The following PCIF1 variants were observed in gnomAD, a reference collection of about 807,000 sequenced individuals.
The protein encoded by PCIF1 is mRNA (2'-O-methyladenosine-N(6)-)-methyltransferase.
PCIF1 carries 12 observed loss-of-function variants against 86.9 expected under a neutral mutation model. That is an observed-to-expected ratio of 0.14 (90% confidence interval 0.09 to 0.22). The LOEUF is 0.22. Among genes scored for constraint, PCIF1 ranks in the 10% least tolerant of loss-of-function variants. PCIF1 has a pLI of 1.00. For missense variants in PCIF1, 701 were observed against 951.1 expected (o/e 0.74, Z 3.46); for synonymous variants, 397 against 372.0 (o/e 1.07, Z -0.77).
intron 4 of PCIF1, among the ~76,000 whole-genome samples, chr20:45,939,777 G>A (rs1159055128): frequency 6.6e-6 from 1 of 152,194 alleles, no homozygotes; most frequent in Non-Finnish European, 1.5e-5. Flanking sequence ...AGTGTGGGGA[G>A]GAAAAGAACA....
chr20:45,936,103 G>T (rs539628114), intron 1 of PCIF1, among the ~76,000 whole-genome samples: 20 of 152,160 alleles, frequency 1.3e-4, no homozygotes, highest in East Asian at 1.9e-4. Context: ...TTGGGATTGT[G>T]CCCCCACAGA....
At chr20:45,941,462 TA>T (rs1023563087) in intron 7 of PCIF1, among the ~76,000 whole-genome samples, 6 of 152,234 alleles carry the variant, frequency 3.9e-5, no homozygotes, top group Non-Finnish European at 2.9e-5. Context: ...TTTATTTATT[TA>T]TTTTTTTTGA....
In PCIF1 at chr20:45,934,779, CGTCCCCTCCA is replaced by C. The variant is rs2083401196; in HGVS notation, c.-208_-199del. The C allele has an allele frequency of 2.5e-6, 1 of 398,300 alleles. No individual in the cohort carries two copies. The highest frequency in any genetic ancestry group is 4.4e-5 in the Admixed American group (1 of 22,694). The allele number at this position is 398,300 out of a possible 1,614,324, so 24.7% of individuals were successfully genotyped here. ...GGCGGTCGAGCAGAACGTGTAGCCG[CGTCCCCTCCA>C]GTCCGCTCCGGGCAGGTAAGAGTCC... On this transcript the variant is annotated 5_prime_UTR_variant, in exon 1 of 17. It removes the in-frame stop codon of an upstream open reading frame in the 5' UTR. Transcript: ENST00000372409.
At chr20:45,945,100 G>C (rs1314001335) in intron 11 of PCIF1, 70 bp downstream of exon 11, 1 of 1,484,202 alleles carries the variant, frequency 6.7e-7, no homozygotes, top group African/African-American at 1.4e-5. Context: ...AGGGACAAGT[G>C]AGACTGAGCC....
intron 11 of PCIF1, 48 bp from the exon 12 acceptor site, chr20:45,945,663 A>G (rs756988647): frequency 1.9e-6 from 3 of 1,589,978 alleles, no homozygotes; most frequent in Non-Finnish European, 2.6e-6. Flanking sequence ...CAGTGGCTGC[A>G]GCGTGAGAAT....
At position 45,943,763 on chromosome 20, in the gene PCIF1, A is replaced by G. The variant is rs994412496; in HGVS notation, c.1003A>G (p.Met335Val). Residue 335 changes from methionine to valine, a missense_variant and splice_region_variant, in exon 10 of 17, where the codon ATG becomes GTG. Met to Val is a conservative substitution (Grantham distance 21). Transcript: ENST00000372409. This position sits in a 1 kb window ranked among gnomAD's most constrained non-coding sequence, Gnocchi z 5.5. ...CCACTCAGCCTCCAAGGAGGACTAC[A>G]TGGTGAGTGGGTCCCCGGGTGAGAA... is the stretch of plus-strand genomic sequence containing the variant. ...KDHSASKEDY[M>V]DRLEHLRRQC... The G allele has an allele frequency of 7.1e-6, 11 of 1,553,720 alleles. No homozygotes were observed. Among genetic ancestry groups the G allele is most frequent in the East Asian group, 4.8e-5 (2 of 41,476 alleles).
rs73128517 is a variant in PCIF1, at chr20:45,940,258, A to G, written c.250-217A>G. ...TGGTGATGTAGGGATTAGCATGGCC[A>G]TTCTGAAGGTGAGAGAACTGGAAGG... is the stretch of plus-strand genomic sequence containing the variant. On this transcript the variant is annotated intron_variant, in intron 4 of 16. Coordinates refer to ENST00000372409, the MANE Select transcript of PCIF1 (RefSeq NM_022104.4). Among the ~76,000 whole-genome samples the G allele has an allele frequency of 3.3e-3, 501 of 152,334 alleles. 1 individual carries two copies. Among genetic ancestry groups the G allele is most frequent in the Non-Finnish European group, 6.0e-3 (409 of 68,038 alleles).
At chr20:45,935,105 C>CG (rs2083408205) in intron 1 of PCIF1, among the ~76,000 whole-genome samples, 1 of 149,844 alleles carries the variant, frequency 6.7e-6, no homozygotes, top group Non-Finnish European at 1.5e-5. Flanking sequence ...GAGCGCGCGG[C>CG]GGGGCGGGGG....
chr20:45,935,263 C>T (rs1004054418), intron 1 of PCIF1, among the ~76,000 whole-genome samples: 2 of 152,012 alleles, frequency 1.3e-5, no homozygotes, highest in Admixed American at 6.5e-5. Flanking sequence ...ACTTTGTTCG[C>T]CCTTTGACTC....
chr20:45,937,834 G>A (rs2083439464), intron 2 of PCIF1: 5 of 354,684 alleles, frequency 1.4e-5, no homozygotes, highest in Admixed American at 4.7e-5. Context: ...TAAGGAAGAC[G>A]TCTATGATGG....
At position 45,945,834 on chromosome 20, in the gene PCIF1, G is replaced by A. The variant is rs746332694; in HGVS notation, c.1292G>A (p.Arg431Gln). 5.6e-6 allele frequency: 9 copies of A among 1,613,804 alleles called. No homozygotes were observed. Among genetic ancestry groups the A allele is most frequent in the East Asian group, 2.2e-5 (1 of 44,884 alleles). The change falls in exon 12 of 17, where the codon CGG becomes CAG. Residue 431 changes from arginine (R) to glutamine (Q), a missense_variant. Physicochemically the swap from Arg to Gln is conservative, Grantham distance 43. Transcript: ENST00000372409. ...ATGGAGAACAACGTGGTCTGCATCCGGTATAAGGGAGAGATGGTCAAGGTC... is the reference window on the plus strand; with the variant it reads ...ATGGAGAACAACGTGGTCTGCATCCAGTATAAGGGAGAGATGGTCAAGGTC... Reference protein sequence around the residue: ...MHMENNVVCIRYKGEMVKVSR... With the variant: ...MHMENNVVCIQYKGEMVKVSR...
chr20:45,939,464 G>GC, intron 4 of PCIF1, 125 bp downstream of exon 4: 1 of 1,390,260 alleles, frequency 7.2e-7, no homozygotes, highest in Non-Finnish European at 9.8e-7. Flanking sequence ...ACAATGACAA[G>GC]CAAGACAGAC....
intron 2 of PCIF1, among the ~76,000 whole-genome samples, chr20:45,938,314 G>A (rs1039820110): frequency 2.6e-5 from 4 of 152,176 alleles, no homozygotes; most frequent in African/African-American, 9.7e-5. Context: ...TGTAAAATAA[G>A]GTGACCAATT....
At position 45,947,366 on chromosome 20, in the gene PCIF1, T is replaced by A; in HGVS notation, c.1811T>A (p.Phe604Tyr). Reference sequence around the variant, plus strand: ...CTCACCCGCATGGAGCAGAGCCGCTTCAAACGCCACCAGTTGATCCTGCCT... The same window carrying A: ...CTCACCCGCATGGAGCAGAGCCGCTACAAACGCCACCAGTTGATCCTGCCT... ...PALTRMEQSRFKRHQLILPAF... is the reference protein window; with the variant it reads ...PALTRMEQSRYKRHQLILPAF... The change falls in exon 16 of 17, where the codon TTC becomes TAC. Residue 604 changes from phenylalanine (F) to tyrosine (Y), a missense_variant. Physicochemically the swap from Phe to Tyr is conservative, Grantham distance 22 (BLOSUM62 3). This residue lies in a region of PCIF1 where 174 missense variants were observed against 206.9 expected (regional missense o/e 0.84). Coordinates refer to ENST00000372409, the MANE Select transcript of PCIF1 (RefSeq NM_022104.4). This position sits in a 1 kb window ranked among gnomAD's most constrained non-coding sequence, Gnocchi z 5.4. 6.2e-7 allele frequency: 1 copy of A among 1,613,974 alleles called. No homozygotes were observed. The highest frequency in any genetic ancestry group is 8.5e-7 in the Non-Finnish European group (1 of 1,180,018).
chr20:45,935,510 A>G lies in PCIF1; in HGVS notation c.-188+706A>G, dbSNP rs1203369727. Among the ~76,000 whole-genome samples the G allele has an allele frequency of 2.6e-5, 4 of 152,194 alleles. No individual in the cohort carries two copies. The South Asian group carries it at 6.2e-4, about 24-fold the overall frequency. On this transcript the variant is annotated intron_variant, in intron 1 of 16. Coordinates refer to ENST00000372409, the MANE Select transcript of PCIF1 (RefSeq NM_022104.4). Reference sequence around the variant, plus strand: ...AGTTATGTCTTACTGGGAGCGTACAATGCTGGACTCTACATATAACGGTCG... The same window carrying G: ...AGTTATGTCTTACTGGGAGCGTACAGTGCTGGACTCTACATATAACGGTCG...
Position 45,943,626 on chromosome 20 carries a change from C to G in PCIF1, c.906-40C>G, listed in dbSNP as rs1351155375. On this transcript the variant is annotated intron_variant, in intron 9 of 16. Transcript: ENST00000372409. The surrounding 1 kb of genome is among the most constrained non-coding windows in gnomAD (Gnocchi z 5.5). ...TGGAATTGGGATGAGGAGGGTGGAGCCAAGCCATTCCTTTCTTCTGCCCTC... is the reference window on the plus strand; with the variant it reads ...TGGAATTGGGATGAGGAGGGTGGAGGCAAGCCATTCCTTTCTTCTGCCCTC... 2 of 1,531,134 alleles carry G rather than the reference C, an allele frequency of 1.3e-6. No homozygotes were observed. Among genetic ancestry groups the G allele is most frequent in the Non-Finnish European group, 8.9e-7 (1 of 1,128,712 alleles). The allele number at this position is 1,531,134 out of a possible 1,614,324, so 94.8% of individuals were successfully genotyped here.
chr20:45,935,920 C>T (rs1366304184), intron 1 of PCIF1, among the ~76,000 whole-genome samples: 1 of 151,996 alleles, frequency 6.6e-6, no homozygotes, highest in East Asian at 1.9e-4. Flanking sequence ...TAAGCTGTGC[C>T]GCTTGTGCGT....
chr20:45,943,450 G>A lies in PCIF1; in HGVS notation c.905+27G>A, dbSNP rs1249532207. On this transcript the variant is annotated intron_variant, in intron 9 of 16. Coordinates refer to ENST00000372409, the MANE Select transcript of PCIF1 (RefSeq NM_022104.4). This position sits in a 1 kb window ranked among gnomAD's most constrained non-coding sequence, Gnocchi z 5.5. ...TTTGCCTGTCTTCTGCCCCAGGCGA[G>A]ATGGGTCTGTGATTAAAGTGGCAGG... 4 of 1,601,950 alleles carry A rather than the reference G, an allele frequency of 2.5e-6. No individual in the cohort carries two copies. In the African/African-American group the frequency reaches 5.4e-5, roughly 21 times the overall value.
At chr20:45,945,262 C>T (rs2083513055) in intron 11 of PCIF1, among the ~76,000 whole-genome samples, 1 of 152,246 alleles carries the variant, frequency 6.6e-6, no homozygotes, top group Admixed American at 6.5e-5. Context: ...TACATCCATT[C>T]TCTGCAAGCC....
Sources: allele counts gnomAD v4.1 joint callset (sites outside exome capture counted in the v4.1 genomes callset), GRCh38; gene constraint gnomAD v4.1.1; regional missense constraint gnomAD v4.1.1; non-coding constraint Gnocchi (gnomAD v3.1); transcripts MANE v1.5; gene names NCBI Gene and HGNC (gene_info 2026-07-23, HGNC 2026-07-21).